SHLD1: variants seen among roughly 807,000 people sequenced by gnomAD.
SHLD1 encodes the protein RINN1-REV7-interacting novel NHEJ regulator 3.
In SHLD1, 3 loss-of-function variants were observed where a neutral mutation model predicts 5.5. That is an observed-to-expected ratio of 0.54 (90% CI 0.25 to 1.40). The LOEUF is 1.40. Among genes scored for constraint, SHLD1 ranks in the 40% most tolerant of loss-of-function variants. SHLD1 has a pLI of 0.15. For synonymous variants in SHLD1, 92 were observed against 94.3 expected (o/e 0.98, Z 0.14); for missense variants, 210 against 244.4 (o/e 0.86, Z 0.94).
intron 2 of SHLD1, among the ~76,000 whole-genome samples, chr20:5,787,237 T>C (rs1457381546): frequency 6.6e-6 from 1 of 152,214 alleles, no homozygotes; most frequent in Non-Finnish European, 1.5e-5. Flanking sequence ...GGATCCAACT[T>C]CTTATGTGAA....
intron 2 of SHLD1, among the ~76,000 whole-genome samples, chr20:5,817,418 CTCTCTCTCTCTCTCTG>C (rs1290149428): frequency 2.9e-5 from 4 of 136,656 alleles, no homozygotes; most frequent in African/African-American, 1.2e-4. Flanking sequence ...CTCTCTCTCT[CTCTCTCTCTCTCTCTG>C]TGTGTGTGTG....
intron 2 of SHLD1, among the ~76,000 whole-genome samples, chr20:5,799,025 G>A (rs1173747566): frequency 1.3e-5 from 2 of 151,966 alleles, no homozygotes; most frequent in African/African-American, 2.4e-5. Flanking sequence ...GCAAAACCCC[G>A]TCTCTACAAA....
At chr20:5,812,090 C>CTT (rs529793893) in intron 2 of SHLD1, among the ~76,000 whole-genome samples, 4 of 116,196 alleles carry the variant, frequency 3.4e-5, no homozygotes, top group African/African-American at 1.3e-4. Flanking sequence ...CTTTTTTTTT[C>CTT]TTTTTTTTTT....
chr20:5,852,840 T>C (rs1333660460), intron 2 of SHLD1, among the ~76,000 whole-genome samples: 1 of 152,204 alleles, frequency 6.6e-6, no homozygotes, highest in Non-Finnish European at 1.5e-5. Context: ...TGTCAGTCTT[T>C]AGGAAATATC....
intron 1 of SHLD1, among the ~76,000 whole-genome samples, chr20:5,754,072 G>A (rs180834621): frequency 2.1e-3 from 322 of 152,132 alleles, no homozygotes; most frequent in Admixed American, 4.5e-3. Context: ...GCCATAATTT[G>A]GTATCTTATT....
intron 2 of SHLD1, among the ~76,000 whole-genome samples, chr20:5,852,758 C>G (rs1489662551): frequency 2.0e-5 from 3 of 152,176 alleles, no homozygotes; most frequent in Non-Finnish European, 4.4e-5. Flanking sequence ...CCTCAAATCA[C>G]TTTCATTAGA....
intron 2 of SHLD1, among the ~76,000 whole-genome samples, chr20:5,843,965 T>A (rs2087896900): frequency 6.6e-6 from 1 of 152,252 alleles, no homozygotes; most frequent in African/African-American, 2.4e-5. Context: ...ACTTGTCTTC[T>A]GTCTATATTC....
chr20:5,800,849 G>A (rs1600135821), intron 2 of SHLD1, among the ~76,000 whole-genome samples: 1 of 40,108 alleles, frequency 2.5e-5, no homozygotes, highest in South Asian at 1.9e-3. Flanking sequence ...ACCTGTGTGT[G>A]TGTGTGTGCG....
In SHLD1 at chr20:5,795,202, G is replaced by A. The variant is rs759894328; in HGVS notation, c.178+22159G>A. Among the ~76,000 whole-genome samples the A allele has an allele frequency of 4.6e-5, 7 of 151,886 alleles. 1 individual carries two copies. Among genetic ancestry groups the A allele is most frequent in the Non-Finnish European group, 8.8e-5 (6 of 67,990 alleles). On this transcript the variant is annotated intron_variant, in intron 2 of 2. Transcript: ENST00000303142. ...TGCAGTAAGCCGAGATCACACCACT[G>A]TACTTCAGCCTGAGGGATAGAGTGA...
intron 2 of SHLD1, among the ~76,000 whole-genome samples, chr20:5,781,840 G>T (rs2086993365): frequency 6.6e-6 from 1 of 152,094 alleles, no homozygotes; most frequent in Admixed American, 6.6e-5. Flanking sequence ...TTGTTTTCGG[G>T]ACTCTGTGTA....
At position 5,863,501 on chromosome 20, in the gene SHLD1, C is replaced by A; in HGVS notation, c.*38C>A. The A allele has an allele frequency of 1.3e-6, 2 of 1,551,752 alleles. No homozygotes were observed. Among genetic ancestry groups the A allele is most frequent in the Non-Finnish European group, 1.7e-6 (2 of 1,148,994 alleles). On this transcript the variant is annotated 3_prime_UTR_variant, in exon 3 of 3. Coordinates refer to ENST00000303142, the MANE Select transcript of SHLD1 (RefSeq NM_152504.4). ...AGTGTGCAGGGTAGTAATGGAGGTG[C>A]TGTGCCATGACCAGCAGTGTTGGTG... is the stretch of plus-strand genomic sequence containing the variant.
intron 2 of SHLD1, among the ~76,000 whole-genome samples, chr20:5,821,443 C>T (rs1600155228): frequency 6.6e-6 from 1 of 152,014 alleles, no homozygotes; most frequent in Non-Finnish European, 1.5e-5. Context: ...AACCAGGAGG[C>T]GGAGGTTGCA....
intron 2 of SHLD1, among the ~76,000 whole-genome samples, chr20:5,802,308 G>T (rs2087305215): frequency 6.6e-6 from 1 of 152,080 alleles, no homozygotes; most frequent in Admixed American, 6.6e-5. Flanking sequence ...TTTCCTGTTG[G>T]TGGCCTCTAT....
At chr20:5,783,012 A>C (rs989909256) in intron 2 of SHLD1, among the ~76,000 whole-genome samples, 2 of 152,214 alleles carry the variant, frequency 1.3e-5, no homozygotes, top group Non-Finnish European at 2.9e-5. Context: ...GCTAATACCC[A>C]GTCACTAGAC....
At chr20:5,783,260 C>T (rs1053780094) in intron 2 of SHLD1, among the ~76,000 whole-genome samples, 1 of 152,074 alleles carries the variant, frequency 6.6e-6, no homozygotes, top group African/African-American at 2.4e-5. Context: ...AGTCTCACTC[C>T]ATCACCCAGG....
intron 2 of SHLD1, among the ~76,000 whole-genome samples, chr20:5,846,148 G>C (rs760696518): frequency 2.0e-5 from 3 of 152,136 alleles, no homozygotes. Flanking sequence ...GCTCTGTTTT[G>C]ATAGAAATCT....
chr20:5,779,784 A>T (rs1340776908), intron 2 of SHLD1, among the ~76,000 whole-genome samples: 1 of 152,070 alleles, frequency 6.6e-6, no homozygotes, highest in Non-Finnish European at 1.5e-5. Context: ...GGCTACCTTC[A>T]TGTAGCTTGT....
intron 2 of SHLD1, among the ~76,000 whole-genome samples, chr20:5,817,784 A>G (rs2087556506): frequency 6.6e-6 from 1 of 152,144 alleles, no homozygotes; most frequent in South Asian, 2.1e-4. Flanking sequence ...TTATCTGTTT[A>G]GCTCCCTCAT....
At chr20:5,805,597 GTGT>G (rs2087362754) in intron 2 of SHLD1, among the ~76,000 whole-genome samples, 1 of 151,768 alleles carries the variant, frequency 6.6e-6, no homozygotes, top group Non-Finnish European at 1.5e-5. Context: ...TTTGTGTGTT[GTGT>G]TGTTTTGTTT....
Sources: gnomAD v4.1 joint callset for allele counts (sites outside exome capture counted in the v4.1 genomes callset) on GRCh38, gnomAD v4.1.1 for gene constraint, MANE v1.5 for transcripts, NCBI Gene and HGNC (gene_info 2026-07-23, HGNC 2026-07-21) for gene names.